Variants in CHCHD6 observed in about 807,000 individuals in gnomAD.
CHCHD6 encodes the protein MICOS complex subunit MIC25.
In CHCHD6, 28 loss-of-function variants were observed where a neutral mutation model predicts 32.3. The observed-to-expected ratio is 0.87, with a 90% confidence interval of 0.64 to 1.19. The LOEUF (loss-of-function observed/expected upper bound fraction) is 1.19, where lower values mean the gene tolerates loss of function less well. Among genes scored for constraint, CHCHD6 ranks in the 50% most tolerant of loss-of-function variants. CHCHD6 has a pLI of 0.00. For synonymous variants in CHCHD6, 122 were observed against 117.5 expected (o/e 1.04, Z -0.25); for missense variants, 333 against 307.0 (o/e 1.08, Z -0.63).
At chr3:126,885,278 C>G (rs543423124) in intron 5 of CHCHD6, among the ~76,000 whole-genome samples, 93 of 152,152 alleles carry the variant, frequency 6.1e-4, no homozygotes, top group Non-Finnish European at 1.2e-3. Flanking sequence ...ATCTACTGTT[C>G]CTTTGAGAAA....
intron 6 of CHCHD6, among the ~76,000 whole-genome samples, chr3:126,938,390 G>A (rs190352810): frequency 6.6e-5 from 10 of 152,330 alleles, no homozygotes; most frequent in Admixed American, 2.0e-4. Flanking sequence ...ATGGTGATAC[G>A]AGAACAAGGC....
At chr3:126,805,321 TCTC>T (rs1258666097) in intron 4 of CHCHD6, among the ~76,000 whole-genome samples, 5 of 152,044 alleles carry the variant, frequency 3.3e-5, no homozygotes, top group African/African-American at 1.2e-4. Context: ...CAGCCCAAAA[TCTC>T]CTTAAGCTGA....
chr3:126,716,920 G>T (rs1441059846), intron 1 of CHCHD6, among the ~76,000 whole-genome samples: 1 of 152,122 alleles, frequency 6.6e-6, no homozygotes, highest in Non-Finnish European at 1.5e-5. Context: ...CCTTTCTACA[G>T]CAATCTTGGC....
intron 4 of CHCHD6, among the ~76,000 whole-genome samples, chr3:126,823,880 TACAAAAACAAAA>T (rs142328336): frequency 1.3e-5 from 2 of 151,014 alleles, no homozygotes; most frequent in Non-Finnish European, 2.9e-5. Context: ...ACCCTATCTC[TACAAAAACAAAA>T]ACAAAAACAA....
At chr3:126,847,105 A>C (rs1014287942) in intron 4 of CHCHD6, among the ~76,000 whole-genome samples, 3 of 152,228 alleles carry the variant, frequency 2.0e-5, no homozygotes, top group African/African-American at 7.2e-5. Flanking sequence ...CTAAGTAACA[A>C]ATTACAAAAT....
intron 1 of CHCHD6, among the ~76,000 whole-genome samples, chr3:126,716,539 G>A (rs575076238): frequency 6.6e-6 from 1 of 152,168 alleles, no homozygotes; most frequent in African/African-American, 2.4e-5. Flanking sequence ...GGTCATGGAT[G>A]TCATATCTTT....
intron 6 of CHCHD6, among the ~76,000 whole-genome samples, 200 bp downstream of exon 6, chr3:126,914,950 T>C (rs559439500): frequency 6.6e-6 from 1 of 152,352 alleles, no homozygotes; most frequent in African/African-American, 2.4e-5. Flanking sequence ...TCAGTTCTTA[T>C]CTAGCTCCTT....
chr3:126,845,499 G>A (rs547935019), intron 4 of CHCHD6, among the ~76,000 whole-genome samples: 15 of 152,140 alleles, frequency 9.9e-5, no homozygotes, highest in African/African-American at 3.1e-4. Flanking sequence ...CTTAGTTGTC[G>A]TCAATCAACT....
At chr3:126,882,548 A>G (rs560763620) in intron 5 of CHCHD6, among the ~76,000 whole-genome samples, 2 of 152,234 alleles carry the variant, frequency 1.3e-5, no homozygotes, top group Non-Finnish European at 2.9e-5. Flanking sequence ...TGATGATAAT[A>G]ATCATGATAG....
chr3:126,735,161 T>C (rs894287169), intron 4 of CHCHD6, among the ~76,000 whole-genome samples: 10 of 152,132 alleles, frequency 6.6e-5, no homozygotes, highest in South Asian at 2.1e-4. Context: ...GCAGGAAAAG[T>C]TGGCCTCCTC....
intron 5 of CHCHD6, among the ~76,000 whole-genome samples, chr3:126,872,240 C>T (rs994665624): frequency 2.0e-5 from 3 of 150,704 alleles, no homozygotes; most frequent in Non-Finnish European, 4.4e-5. Context: ...GGAATTAGCA[C>T]AAAATGTTGA....
At chr3:126,843,516 T>C (rs1039438472) in intron 4 of CHCHD6, among the ~76,000 whole-genome samples, 1 of 152,192 alleles carries the variant, frequency 6.6e-6, no homozygotes, top group African/African-American at 2.4e-5. Flanking sequence ...GGCTTATGTT[T>C]TGTTTTGTAA....
At chr3:126,873,012 A>G (rs1167477617) in intron 5 of CHCHD6, among the ~76,000 whole-genome samples, 1 of 152,226 alleles carries the variant, frequency 6.6e-6, no homozygotes, top group Non-Finnish European at 1.5e-5. Context: ...CAGGATATCT[A>G]CAGTCCTGGG....
chr3:126,840,458 T>A (rs1343781539), intron 4 of CHCHD6, among the ~76,000 whole-genome samples: 1 of 152,140 alleles, frequency 6.6e-6, no homozygotes. Flanking sequence ...ATACTATAGA[T>A]GAACATATTA....
At chr3:126,749,905 T>A (rs1936657678) in intron 4 of CHCHD6, among the ~76,000 whole-genome samples, 3 of 152,156 alleles carry the variant, frequency 2.0e-5, no homozygotes, top group African/African-American at 7.2e-5. Context: ...AGAATGGCTA[T>A]GGGGGGACAA....
intron 6 of CHCHD6, among the ~76,000 whole-genome samples, chr3:126,939,835 A>T (rs1264704588): frequency 6.6e-6 from 1 of 152,208 alleles, no homozygotes; most frequent in Admixed American, 6.5e-5. Flanking sequence ...ATATTCGTTG[A>T]GTTCCTACAA....
At chr3:126,783,995 C>CT (rs1345572405) in intron 4 of CHCHD6, among the ~76,000 whole-genome samples, 2 of 152,022 alleles carry the variant, frequency 1.3e-5, no homozygotes, top group Non-Finnish European at 2.9e-5. Context: ...CTGTTTGAAC[C>CT]TTTTTTTGTA....
chr3:126,931,888 C>T (rs1437901408), intron 6 of CHCHD6, among the ~76,000 whole-genome samples: 3 of 152,178 alleles, frequency 2.0e-5, no homozygotes, highest in South Asian at 2.1e-4. Context: ...CACTTAAACC[C>T]GCCTGGGACG....
chr3:126,825,305 TGG>T (rs1940341231), intron 4 of CHCHD6, among the ~76,000 whole-genome samples: 1 of 152,222 alleles, frequency 6.6e-6, no homozygotes, highest in South Asian at 2.1e-4. Flanking sequence ...AGAAATGTGT[TGG>T]GATGTATTTT....
Sources: gnomAD v4.1 joint callset for allele counts (sites outside exome capture counted in the v4.1 genomes callset) on GRCh38, gnomAD v4.1.1 for gene constraint, MANE v1.5 for transcripts, NCBI Gene and HGNC (gene_info 2026-07-23, HGNC 2026-07-21) for gene names.